The following ARHGAP44 variants were observed in gnomAD, a reference collection of about 807,000 sequenced individuals.
ARHGAP44 encodes rho GTPase-activating protein 44.
ARHGAP44 carries 43 observed loss-of-function variants against 106.8 expected under a neutral mutation model. The observed-to-expected ratio is 0.40, with a 90% CI of 0.32 to 0.52. ARHGAP44 has a LOEUF of 0.52. ARHGAP44 is among the 20% of genes least tolerant of loss of function. The pLI is 0.48. For synonymous variants in ARHGAP44, 439 were observed against 410.3 expected (o/e 1.07, Z -0.85); for missense variants, 866 against 1,050.5 (o/e 0.82, Z 2.43).
At chr17:12,838,545 G>A (rs913669537) in intron 1 of ARHGAP44, among the ~76,000 whole-genome samples, 1 of 152,104 alleles carries the variant, frequency 6.6e-6, no homozygotes, top group East Asian at 1.9e-4. Context: ...AAAGTGAATC[G>A]GTCTTAAGTG....
At chr17:12,981,450 T>G (rs1020378109) in intron 19 of ARHGAP44, among the ~76,000 whole-genome samples, 5 of 151,052 alleles carry the variant, frequency 3.3e-5, no homozygotes, top group African/African-American at 9.8e-5. Context: ...CAGGCTGGAG[T>G]GCAATGGCAC....
At chr17:12,850,213 A>G (rs760486085) in intron 1 of ARHGAP44, among the ~76,000 whole-genome samples, 7 of 152,158 alleles carry the variant, frequency 4.6e-5, no homozygotes. Context: ...TAGACTGATG[A>G]AGGAAGTTGC....
intron 5 of ARHGAP44, among the ~76,000 whole-genome samples, chr17:12,916,594 A>G (rs988298754): frequency 3.9e-5 from 6 of 152,186 alleles, no homozygotes; most frequent in Non-Finnish European, 7.3e-5. Context: ...CATGTTGGCC[A>G]GGCTGGTCTC....
intron 1 of ARHGAP44, among the ~76,000 whole-genome samples, chr17:12,824,759 T>G (rs981996055): frequency 6.6e-6 from 1 of 151,960 alleles, no homozygotes; most frequent in African/African-American, 2.4e-5. Context: ...GGCCTTAATG[T>G]ACCTCGCTAG....
intron 1 of ARHGAP44, among the ~76,000 whole-genome samples, chr17:12,802,927 TTATATATATATATATATATATATATA>T (rs1159214788): frequency 6.8e-5 from 2 of 29,238 alleles, no homozygotes; most frequent in Non-Finnish European, 1.2e-4. Context: ...CCTGGCTAAT[TTATATATATATATATATATATATATA>T]TATATATATA....
intron 6 of ARHGAP44, among the ~76,000 whole-genome samples, chr17:12,928,689 G>A (rs896977923): frequency 1.3e-5 from 2 of 152,158 alleles, no homozygotes; most frequent in African/African-American, 4.8e-5. Flanking sequence ...GACAAACCAG[G>A]GGATGCTCGT....
intron 19 of ARHGAP44, among the ~76,000 whole-genome samples, chr17:12,981,954 T>C (rs1164523510): frequency 1.3e-5 from 2 of 152,080 alleles, no homozygotes; most frequent in African/African-American, 2.4e-5. Flanking sequence ...GAGGTTGCAC[T>C]GAGCCAAGAT....
At chr17:12,827,992 G>A (rs958600485) in intron 1 of ARHGAP44, among the ~76,000 whole-genome samples, 3 of 141,382 alleles carry the variant, frequency 2.1e-5, no homozygotes, top group African/African-American at 5.4e-5. Context: ...AGCTGAGATC[G>A]TGCCACTGCT....
intron 1 of ARHGAP44, among the ~76,000 whole-genome samples, chr17:12,875,491 C>T (rs34743337): frequency 0.19 from 29,002 of 151,872 alleles, 3,245 homozygotes; most frequent in Middle Eastern, 0.29. Context: ...GCTCGGGAGG[C>T]TGAGATGGGA....
At chr17:12,899,637 G>C (rs970165821) in intron 3 of ARHGAP44, among the ~76,000 whole-genome samples, 10 of 152,108 alleles carry the variant, frequency 6.6e-5, no homozygotes, top group African/African-American at 2.4e-4. Context: ...GGGAGTGAAT[G>C]AACAGACACT....
In ARHGAP44 at chr17:12,974,207, GCGCCCCTGCCTT is replaced by G. The variant is rs1222149550; in HGVS notation, c.1665_1676del (p.Ser558_Pro561del). 8 of 1,547,888 alleles carry G rather than the reference GCGCCCCTGCCTT, an allele frequency of 5.2e-6. No individual in the cohort carries two copies. Among genetic ancestry groups the G allele is most frequent in the Non-Finnish European group, 6.1e-6 (7 of 1,146,364 alleles). On this transcript the variant is annotated inframe_deletion, in exon 18 of 21. Transcript: ENST00000379672. Reference sequence around the variant, plus strand: ...TCCCGCCCCGCCCGCCGAGCTGGCTGCGCCCCTGCCTTCGCCGCTGCCGGAGCAGCCCCTGGA... The same window carrying G: ...TCCCGCCCCGCCCGCCGAGCTGGCTGCGCCGCTGCCGGAGCAGCCCCTGGA...
At chr17:12,871,862 G>A (rs1450721909) in intron 1 of ARHGAP44, among the ~76,000 whole-genome samples, 2 of 152,110 alleles carry the variant, frequency 1.3e-5, no homozygotes, top group Non-Finnish European at 2.9e-5. Context: ...ATGATTGTAA[G>A]TTTCCTGAAG....
Position 12,943,681 on chromosome 17 carries a change from C to G in ARHGAP44, c.733+12C>G, listed in dbSNP as rs746562105. The G allele has an allele frequency of 1.2e-6, 2 of 1,612,866 alleles. No homozygotes were observed. The highest frequency in any genetic ancestry group is 2.7e-5 in the African/African-American group (2 of 74,882). On this transcript the variant is annotated intron_variant, in intron 9 of 20. Coordinates refer to ENST00000379672, the MANE Select transcript of ARHGAP44 (RefSeq NM_014859.6). ...CAAAGCACAACAGGGTAAGTGCAGG[C>G]CTTCCCTGGAGAAGGGAGGGCCGGG...
At chr17:12,905,215 G>A (rs1357397368) in intron 3 of ARHGAP44, among the ~76,000 whole-genome samples, 3 of 151,978 alleles carry the variant, frequency 2.0e-5, no homozygotes, top group Non-Finnish European at 4.4e-5. Flanking sequence ...TCCTATAATA[G>A]ATATGATAGA....
In ARHGAP44 at chr17:12,958,122, A is replaced by G. The variant is rs2039173561; in HGVS notation, c.1343-595A>G. On this transcript the variant is annotated intron_variant, in intron 15 of 20. Coordinates refer to ENST00000379672, the MANE Select transcript of ARHGAP44 (RefSeq NM_014859.6). The surrounding 1 kb of genome is among the most constrained non-coding windows in gnomAD (Gnocchi z 4.1). ...CCACTGCACACAGACAGAATTGTGC[A>G]GAGCTAATTTATTCTCATTGACTGG... 6.6e-6 allele frequency among the ~76,000 whole-genome samples: 1 copy of G among 152,240 alleles called. No individual in the cohort carries two copies. The highest frequency in any genetic ancestry group is 2.4e-5 in the African/African-American group (1 of 41,466).
chr17:12,850,143 G>A (rs566407116), intron 1 of ARHGAP44, among the ~76,000 whole-genome samples: 7 of 152,212 alleles, frequency 4.6e-5, no homozygotes, highest in Admixed American at 1.3e-4. Context: ...TATTAGAGCC[G>A]AGGAAACTCA....
chr17:12,914,039 T>C (rs1279606197), intron 4 of ARHGAP44, among the ~76,000 whole-genome samples: 2 of 150,140 alleles, frequency 1.3e-5, no homozygotes, highest in African/African-American at 2.4e-5. Flanking sequence ...GGCACTGACA[T>C]TTGTAGCAGA....
rs71144930 is a variant in ARHGAP44 at position 12,861,644 on chromosome 17, C to CTTTTT, written c.54-33286_54-33282dup. On this transcript the variant is annotated intron_variant, in intron 1 of 20. Transcript: ENST00000379672. ...AATTCCTCTTCTGCCTCCTCTTCCA[C>CTTTTT]TTTTTTTTTTTTTTGAGATGGAATC... Among the ~76,000 whole-genome samples the CTTTTT allele has an allele frequency of 3.7e-4, 25 of 67,754 alleles. 4 individuals carry two copies. The highest frequency in any genetic ancestry group is 9.1e-4 in the Admixed American group (4 of 4,380). 44.4% of individuals were successfully genotyped at this position (67,754 alleles called of 152,430 possible).
intron 1 of ARHGAP44, among the ~76,000 whole-genome samples, chr17:12,798,911 C>T (rs111826696): frequency 0.043 from 6,529 of 152,176 alleles, 188 homozygotes; most frequent in Non-Finnish European, 0.069. Flanking sequence ...TCTATTTTTT[C>T]TTGAGTCAGT....
Sources: allele counts gnomAD v4.1 joint callset (sites outside exome capture counted in the v4.1 genomes callset), GRCh38; gene constraint gnomAD v4.1.1; non-coding constraint Gnocchi (gnomAD v3.1); transcripts MANE v1.5; gene names NCBI Gene and HGNC (gene_info 2026-07-23, HGNC 2026-07-21).